Variants in CD209 observed in about 807,000 individuals in gnomAD.
CD209 encodes CD209 antigen.
CD209 carries 31 observed loss-of-function variants against 44.7 expected under a neutral mutation model. That is an observed-to-expected ratio of 0.69 (90% CI 0.52 to 0.94). The LOEUF (loss-of-function observed/expected upper bound fraction) is 0.94. CD209 is among the 40% of genes least tolerant of loss of function. CD209 has a pLI of 0.00. For synonymous variants in CD209, 173 were observed against 181.3 expected (o/e 0.95, Z 0.37); for missense variants, 407 against 452.4 (o/e 0.90, Z 0.91).
At chr19:7,746,621 AC>A in intron 2 of CD209, 90 bp from the exon 3 acceptor site, 2 of 1,320,074 alleles carry the variant, frequency 1.5e-6, no homozygotes, top group Non-Finnish European at 2.2e-6. Context: ...GCACCCCAGG[AC>A]CCAGGAACCC....
rs1599484157 is a variant in CD209, at chr19:7,746,605, C to G, written c.107-74G>C. 7.5e-6 allele frequency: 11 copies of G among 1,467,676 alleles called. No individual in the cohort carries two copies. In the East Asian group the frequency reaches 2.5e-4, roughly 33 times the overall value. 90.9% of individuals were successfully genotyped at this position (1,467,676 alleles called of 1,614,324 possible). A position where few individuals can be genotyped will look rare whatever the true frequency, so the allele number is the denominator to read the frequency against. On this transcript the variant is annotated intron_variant, in intron 2 of 6. Transcript: ENST00000315599. The stretch of plus-strand genomic sequence containing the variant: ...GGCCCAGGGAGAGCCTGGTCTAAAT[C>G]CCTCAGCACCCCAGGACCCAGGAAC...
Position 7,743,011 on chromosome 19 carries a change from C to A in CD209, c.*28G>T, listed in dbSNP as rs766028272. On this transcript the variant is annotated 3_prime_UTR_variant, in exon 7 of 7. Transcript: ENST00000315599. ...AAGGTCGAAGGATGGAGAGAAGGAA[C>A]TGTAGCTTAAAAGGGGGTGAAGTTC... 3 of 1,541,918 alleles carry A rather than the reference C, an allele frequency of 1.9e-6. No individual in the cohort carries two copies. Among genetic ancestry groups the A allele is most frequent in the Non-Finnish European group, 9.0e-7 (1 of 1,115,934 alleles).
At chr19:7,744,889 G>T in intron 5 of CD209, 52 bp downstream of exon 5, 3 of 1,602,582 alleles carry the variant, frequency 1.9e-6, no homozygotes, top group Non-Finnish European at 2.6e-6. Flanking sequence ...CTCCTCCCCA[G>T]TTGGCCAGAA....
In CD209 at chr19:7,740,590, A is replaced by G; in HGVS notation, c.*2449T>C. On this transcript the variant is annotated 3_prime_UTR_variant, in exon 7 of 7. Coordinates refer to ENST00000315599, the MANE Select transcript of CD209 (RefSeq NM_021155.4). ...CTGAGGGACTCAGGACTCTCACAGAAAGAGGAGGACACTTTTATTGAAAAA... is the reference window on the plus strand; with the variant it reads ...CTGAGGGACTCAGGACTCTCACAGAGAGAGGAGGACACTTTTATTGAAAAA... 1.2e-6 allele frequency: 1 copy of G among 834,262 alleles called. No homozygotes were observed. Among genetic ancestry groups the G allele is most frequent in the South Asian group, 1.3e-5 (1 of 75,254 alleles). 51.7% of individuals were successfully genotyped at this position (834,262 alleles called of 1,614,324 possible).
Position 7,740,241 on chromosome 19 carries a change from C to CA in CD209, c.*2797_*2798insT. 2.5e-6 allele frequency: 1 copy of CA among 397,622 alleles called. No homozygotes were observed. The highest frequency in any genetic ancestry group is 7.5e-4 in the Middle Eastern group (1 of 1,328). 24.6% of individuals were successfully genotyped at this position (397,622 alleles called of 1,614,324 possible). A position where few individuals can be genotyped will look rare whatever the true frequency, so the allele number is the denominator to read the frequency against. The stretch of plus-strand genomic sequence containing the variant: ...ACTTCTTAACTCAGTCCCTGTTCCT[C>CA]GGTCTGAGCACTTAGGTTCCACGTG... On this transcript the variant is annotated 3_prime_UTR_variant, in exon 7 of 7. Transcript: ENST00000315599.
intron 3 of CD209, 44 bp from the exon 4 acceptor site, chr19:7,746,131 T>C (rs1234910442): frequency 6.2e-7 from 1 of 1,610,808 alleles, no homozygotes; most frequent in Non-Finnish European, 8.5e-7. Context: ...AAACACCTAC[T>C]GTGTGCCAAG....
chr19:7,746,340 C>T (rs895235321), intron 3 of CD209, 120 bp downstream of exon 3: 44 of 1,190,728 alleles, frequency 3.7e-5, no homozygotes, highest in Non-Finnish European at 5.2e-5. Flanking sequence ...CCCTACAGAC[C>T]CCCAGGGACA....
chr19:7,744,890 T>A, intron 5 of CD209, 51 bp downstream of exon 5: 1 of 1,602,692 alleles, frequency 6.2e-7, no homozygotes, highest in Non-Finnish European at 8.5e-7. Context: ...TCCTCCCCAG[T>A]TGGCCAGAAG....
intron 4 of CD209, 72 bp downstream of exon 4, chr19:7,745,446 C>T: frequency 6.2e-7 from 1 of 1,610,754 alleles, no homozygotes; most frequent in Non-Finnish European, 8.5e-7. Context: ...CAGGCAGGGT[C>T]AGTGACTCAA....
chr19:7,747,080 CT>C (rs747525006), intron 2 of CD209, among the ~76,000 whole-genome samples: 1 of 151,390 alleles, frequency 6.6e-6, no homozygotes, highest in Non-Finnish European at 1.5e-5. Context: ...GGAACCCAGG[CT>C]TCAACTTCTA....
intron 6 of CD209, among the ~76,000 whole-genome samples, chr19:7,743,881 T>A (rs112335707): frequency 4.6e-5 from 7 of 152,160 alleles, no homozygotes; most frequent in Non-Finnish European, 1.0e-4. Flanking sequence ...TATATTTTAA[T>A]ACACCTCCCC....
intron 6 of CD209, among the ~76,000 whole-genome samples, chr19:7,743,906 C>G (rs1372117844): frequency 1.3e-5 from 2 of 149,338 alleles, no homozygotes; most frequent in Non-Finnish European, 2.9e-5. Context: ...GCAGGCTCCT[C>G]CTGCAGCTCT....
In CD209 at chr19:7,745,013, G is replaced by T. The variant is rs1163965553; in HGVS notation, c.828C>A (p.Asn276Lys). The change falls in exon 5 of 7, where the codon AAC (asparagine) becomes AAA (lysine). Residue 276 changes from asparagine to lysine, a missense_variant. Asn to Lys is a moderately conservative substitution (Grantham distance 94). Coordinates refer to ENST00000315599, the MANE Select transcript of CD209 (RefSeq NM_021155.4). ...NCYFMSNSQR[N>K]WHDSITACKE... The stretch of plus-strand genomic sequence containing the variant: ...TGCAGGCGGTGATGGAGTCGTGCCA[G>T]TTCCGCTGGGAGTTAGACATGAAGT... 1.1e-5 allele frequency: 18 copies of T among 1,614,102 alleles called. No homozygotes were observed. The highest frequency in any genetic ancestry group is 4.4e-5 in the South Asian group (4 of 91,088).
chr19:7,740,424 A>T lies in CD209; in HGVS notation c.*2615T>A, dbSNP rs1004477152. ...AATGTTTACCAGTTTATTATAAAGG[A>T]TACAACTAGAGGGGCGGGGCGGTGC... is the stretch of plus-strand genomic sequence containing the variant. On this transcript the variant is annotated 3_prime_UTR_variant, in exon 7 of 7. Coordinates refer to ENST00000315599, the MANE Select transcript of CD209 (RefSeq NM_021155.4). The T allele has an allele frequency of 2.7e-5, 18 of 665,470 alleles. No homozygotes were observed. In the African/African-American group the frequency reaches 2.8e-4, roughly 10 times the overall value. 41.2% of individuals were successfully genotyped at this position (665,470 alleles called of 1,614,324 possible).
chr19:7,746,187 C>T, intron 3 of CD209, 100 bp from the exon 4 acceptor site: 1 of 1,517,234 alleles, frequency 6.6e-7, no homozygotes, highest in African/African-American at 1.4e-5. Flanking sequence ...GAGCCAAGGT[C>T]TTGGTTAATC....
Position 7,747,524 on chromosome 19 carries a change from TC to T in CD209, c.-14del. 6.2e-7 allele frequency: 1 copy of T among 1,613,900 alleles called. No individual in the cohort carries two copies. The highest frequency in any genetic ancestry group is 8.5e-7 in the Non-Finnish European group (1 of 1,179,934). ...TGGAGTCACTCATGTCACCCCACTC[TC>T]CCCCAGTGTCCAGAACTCCTGGGGG... On this transcript the variant is annotated 5_prime_UTR_variant, in exon 1 of 7. Transcript: ENST00000315599.
At chr19:7,743,869 A>G (rs1260642448) in intron 6 of CD209, among the ~76,000 whole-genome samples, 1 of 147,698 alleles carries the variant, frequency 6.8e-6, no homozygotes, top group Admixed American at 6.6e-5. Flanking sequence ...CTATTAATAC[A>G]TTATATTTTA....
In CD209 at chr19:7,746,429, G is replaced by T. The variant is rs60844751; in HGVS notation, c.178+31C>A. 5.6e-4 allele frequency: 906 copies of T among 1,611,162 alleles called. 6 individuals carry two copies. In the African/African-American group the frequency reaches 0.011, roughly 20 times the overall value. ...GTCCACAGCCAAAAGCCAGGCGTGG[G>T]GACCCCAGACCCTCAGAACCTGCCC... On this transcript the variant is annotated intron_variant, in intron 3 of 6. Transcript: ENST00000315599.
At position 7,740,585 on chromosome 19, in the gene CD209, A is replaced by C. The variant is rs1385046174; in HGVS notation, c.*2454T>G. ...CTCCACTGAGGGACTCAGGACTCTC[A>C]CAGAAAGAGGAGGACACTTTTATTG... On this transcript the variant is annotated 3_prime_UTR_variant, in exon 7 of 7. Transcript: ENST00000315599. 5 of 853,046 alleles carry C rather than the reference A, an allele frequency of 5.9e-6. No individual in the cohort carries two copies. The highest frequency in any genetic ancestry group is 1.0e-5 in the Non-Finnish European group (5 of 487,670). 52.8% of individuals were successfully genotyped at this position (853,046 alleles called of 1,614,324 possible).
Sources: allele counts gnomAD v4.1 joint callset (sites outside exome capture counted in the v4.1 genomes callset), GRCh38; gene constraint gnomAD v4.1.1; transcripts MANE v1.5; gene names NCBI Gene and HGNC (gene_info 2026-07-23, HGNC 2026-07-21).